LRRTM4: variants seen among roughly 807,000 people sequenced by gnomAD.
LRRTM4 encodes the protein leucine rich repeat transmembrane neuronal 4.
A neutral mutation model predicts 47.6 loss-of-function variants in LRRTM4; 25 were observed. The ratio of observed to expected loss-of-function variants is 0.53; its 90% confidence interval spans 0.38 to 0.73. The LOEUF (loss-of-function observed/expected upper bound fraction) is 0.73, where lower values mean the gene tolerates loss of function less well. LRRTM4 is among the 30% of genes least tolerant of loss of function. The pLI is 0.00. For synonymous variants in LRRTM4, 311 were observed against 269.5 expected, an observed-to-expected ratio of 1.15 and a Z score of -1.51; for missense variants, 638 against 713.4, an observed-to-expected ratio of 0.89 and a Z score of 1.20.
chr2:76,846,574 T>G (rs759914401), intron 3 of LRRTM4, among the ~76,000 whole-genome samples: 7 of 152,104 alleles, frequency 4.6e-5, no homozygotes, highest in Non-Finnish European at 7.4e-5. Flanking sequence ...TCTAATAATT[T>G]TATATCAGTT....
intron 3 of LRRTM4, among the ~76,000 whole-genome samples, chr2:76,894,986 T>C (rs1307900062): frequency 6.6e-6 from 1 of 151,746 alleles, no homozygotes; most frequent in Non-Finnish European, 1.5e-5. Context: ...TTCACTTTCT[T>C]AGAAAATTTA....
At chr2:77,171,309 C>T (rs1673042958) in intron 3 of LRRTM4, among the ~76,000 whole-genome samples, 1 of 152,022 alleles carries the variant, frequency 6.6e-6, no homozygotes, top group Non-Finnish European at 1.5e-5. Context: ...TGGAGTCTAC[C>T]TCTGACGCCC....
intron 3 of LRRTM4, among the ~76,000 whole-genome samples, chr2:76,786,405 T>C (rs56259618): frequency 0.12 from 18,018 of 152,184 alleles, 1,346 homozygotes; most frequent in Non-Finnish European, 0.17. Flanking sequence ...CTAACATTTT[T>C]TTAACAGTAT....
intron 3 of LRRTM4, among the ~76,000 whole-genome samples, chr2:76,782,002 C>G (rs1573094173): frequency 6.6e-6 from 1 of 152,130 alleles, no homozygotes; most frequent in Non-Finnish European, 1.5e-5. Flanking sequence ...CCATCCTTTG[C>G]TGACATTAAA....
chr2:77,228,546 C>T (rs1674876534), intron 3 of LRRTM4, among the ~76,000 whole-genome samples: 1 of 152,274 alleles, frequency 6.6e-6, no homozygotes, highest in Middle Eastern at 3.4e-3. Context: ...CATGTCTCCT[C>T]ATGTTTGTGG....
Position 77,166,731 on chromosome 2 carries a change from A to G in LRRTM4, c.1551+351587T>C, listed in dbSNP as rs182406266. Among the ~76,000 whole-genome samples, 806 of 152,174 alleles carry G rather than the reference A, an allele frequency of 5.3e-3. 10 individuals carry two copies. Among genetic ancestry groups the G allele is most frequent in the African/African-American group, 0.019 (773 of 41,548 alleles). On this transcript the variant is annotated intron_variant, in intron 3 of 3. Transcript: ENST00000409884. ...AATGATTCCCTATTTAATAAATGGT[A>G]CTGGGAAAACTGGCTAGCCATATGT...
At chr2:76,808,219 C>T (rs1320434830) in intron 3 of LRRTM4, among the ~76,000 whole-genome samples, 2 of 151,758 alleles carry the variant, frequency 1.3e-5, no homozygotes, top group African/African-American at 2.4e-5. Context: ...AGGATTTCAT[C>T]ATGTTGGTCA....
intron 3 of LRRTM4, among the ~76,000 whole-genome samples, chr2:76,987,024 CTTTTA>C (rs940551616): frequency 9.2e-5 from 14 of 151,654 alleles, no homozygotes; most frequent in Non-Finnish European, 1.9e-4. Context: ...ATAAAGTATT[CTTTTA>C]TTTATTTTTT....
chr2:76,931,924 G>T (rs1674781537), intron 3 of LRRTM4, among the ~76,000 whole-genome samples: 2 of 152,070 alleles, frequency 1.3e-5, no homozygotes, highest in African/African-American at 4.8e-5. Flanking sequence ...GAGAAAGGAG[G>T]ATGGGCAGAA....
At chr2:77,082,028 A>C (rs1680550191) in intron 3 of LRRTM4, among the ~76,000 whole-genome samples, 1 of 152,122 alleles carries the variant, frequency 6.6e-6, no homozygotes, top group Admixed American at 6.5e-5. Flanking sequence ...AGCATTACCT[A>C]GTTTAGTAGC....
chr2:77,212,737 G>T (rs1173094096), intron 3 of LRRTM4, among the ~76,000 whole-genome samples: 1 of 151,914 alleles, frequency 6.6e-6, no homozygotes, highest in Admixed American at 6.6e-5. Flanking sequence ...AGCTGTGTCT[G>T]ACGCAAAACC....
At position 76,885,462 on chromosome 2, in the gene LRRTM4, C is replaced by CTTT. The variant is rs775279021; in HGVS notation, c.1552-136549_1552-136547dup. ...GGAAGAAAGTTTTGACAAAAACATG[C>CTTT]TTTTTTTTTTTTTTTTTTGAGACGA... On this transcript the variant is annotated intron_variant, in intron 3 of 3. Coordinates refer to ENST00000409884, the MANE Select transcript of LRRTM4 (RefSeq NM_001134745.3). 6.0e-3 allele frequency among the ~76,000 whole-genome samples: 811 copies of CTTT among 135,562 alleles called. 26 individuals carry two copies. Among genetic ancestry groups the CTTT allele is most frequent in the African/African-American group, 0.014 (517 of 37,450 alleles). The allele number at this position is 135,562 out of a possible 152,430, so 88.9% of individuals were successfully genotyped here.
At chr2:76,909,422 A>T (rs1241456609) in intron 3 of LRRTM4, among the ~76,000 whole-genome samples, 2 of 152,092 alleles carry the variant, frequency 1.3e-5, no homozygotes, top group Non-Finnish European at 2.9e-5. Flanking sequence ...ACCATTCAGG[A>T]CATAGGCATG....
chr2:76,949,127 A>T (rs902297202), intron 3 of LRRTM4, among the ~76,000 whole-genome samples: 2 of 152,062 alleles, frequency 1.3e-5, no homozygotes, highest in African/African-American at 4.8e-5. Context: ...AAAAATACAG[A>T]AACATCCAAT....
intron 3 of LRRTM4, among the ~76,000 whole-genome samples, chr2:76,889,509 T>C (rs1032478323): frequency 6.6e-5 from 10 of 151,958 alleles, no homozygotes; most frequent in Admixed American, 3.9e-4. Context: ...CTGTTCAGTA[T>C]TTGATTTATA....
chr2:77,479,794 T>C (rs906705152), intron 3 of LRRTM4, among the ~76,000 whole-genome samples: 11 of 152,040 alleles, frequency 7.2e-5, no homozygotes, highest in Admixed American at 5.9e-4. Context: ...TCTTTCTCTT[T>C]CTCTCTCTCT....
chr2:76,848,748 T>C (rs1671907221), intron 3 of LRRTM4, among the ~76,000 whole-genome samples: 1 of 152,156 alleles, frequency 6.6e-6, no homozygotes. Context: ...AAAAAAAGTT[T>C]CTCTGATTAA....
chr2:76,994,376 A>G (rs1005074157), intron 3 of LRRTM4, among the ~76,000 whole-genome samples: 8 of 151,980 alleles, frequency 5.3e-5, no homozygotes, highest in African/African-American at 1.9e-4. Context: ...CTATCCTGCA[A>G]CATATAACCA....
intron 3 of LRRTM4, among the ~76,000 whole-genome samples, chr2:76,800,852 A>G (rs1675632393): frequency 6.6e-6 from 1 of 151,212 alleles, no homozygotes; most frequent in South Asian, 2.1e-4. Context: ...CACATGAAAA[A>G]ATGCTCATCA....
Sources: allele counts gnomAD v4.1 joint callset (sites outside exome capture counted in the v4.1 genomes callset), GRCh38; gene constraint gnomAD v4.1.1; transcripts MANE v1.5; gene names NCBI Gene and HGNC (gene_info 2026-07-23, HGNC 2026-07-21).